The following GALNT13 variants were observed in gnomAD, a reference collection of about 807,000 sequenced individuals.
GALNT13 encodes the protein UDP-GalNAc:polypeptide N-acetylgalactosaminyltransferase 13.
A neutral mutation model predicts 64.2 loss-of-function variants in GALNT13; 28 were observed. That is an observed-to-expected ratio of 0.44 (90% CI 0.32 to 0.60). The LOEUF (loss-of-function observed/expected upper bound fraction) is 0.60. GALNT13 is among the 20% of genes least tolerant of loss of function. The pLI is 0.05. For missense variants in GALNT13, 577 were observed against 669.8 expected (o/e 0.86, Z 1.53); for synonymous variants, 214 against 224.6 (o/e 0.95, Z 0.42).
At chr2:153,275,286 G>C in the GALNT13 span, among the ~76,000 whole-genome samples, 1 of 152,056 alleles carries the variant, frequency 6.6e-6, no homozygotes, top group Non-Finnish European at 1.5e-5. Flanking sequence ...ATATGTTTTA[G>C]AGATTACTTT....
chr2:154,107,093 C>G (rs901663951), intron 3 of GALNT13, among the ~76,000 whole-genome samples: 7 of 151,984 alleles, frequency 4.6e-5, no homozygotes, highest in Non-Finnish European at 8.8e-5. Context: ...ATGTCTACTC[C>G]CCTTTGCCTT....
chr2:154,305,847 TTG>T (rs1446116256), intron 9 of GALNT13, among the ~76,000 whole-genome samples: 2 of 152,222 alleles, frequency 1.3e-5, no homozygotes, highest in African/African-American at 4.8e-5. Context: ...TTTTTATTAC[TTG>T]TCTCTATATC....
At chr2:154,147,051 A>C (rs1683647702) in intron 4 of GALNT13, among the ~76,000 whole-genome samples, 1 of 152,070 alleles carries the variant, frequency 6.6e-6, no homozygotes, top group African/African-American at 2.4e-5. Flanking sequence ...TATAGAACCT[A>C]AGAATGTAGA....
the GALNT13 span, among the ~76,000 whole-genome samples, chr2:153,280,055 G>A: frequency 6.6e-6 from 1 of 152,098 alleles, no homozygotes; most frequent in African/African-American, 2.4e-5. Context: ...CTTGAAGTTG[G>A]TGTATATAGG....
chr2:153,276,563 T>C, the GALNT13 span, among the ~76,000 whole-genome samples: 1 of 152,148 alleles, frequency 6.6e-6, no homozygotes, highest in Non-Finnish European at 1.5e-5. Flanking sequence ...AAAATGCCCA[T>C]GTATAAACAC....
chr2:154,196,095 A>T (rs1448533071), intron 4 of GALNT13, among the ~76,000 whole-genome samples: 1 of 152,196 alleles, frequency 6.6e-6, no homozygotes, highest in African/African-American at 2.4e-5. Flanking sequence ...TTTTCTTTCC[A>T]CTGAGACCTA....
At chr2:153,351,420 AG>A in the GALNT13 span, among the ~76,000 whole-genome samples, 9 of 152,186 alleles carry the variant, frequency 5.9e-5, no homozygotes, top group African/African-American at 2.2e-4. Context: ...AACGTTCCCA[AG>A]CAGAGTAATA....
chr2:153,524,919 G>T, the GALNT13 span, among the ~76,000 whole-genome samples: 2 of 152,162 alleles, frequency 1.3e-5, no homozygotes, highest in African/African-American at 4.8e-5. Flanking sequence ...AGCCAGAGTA[G>T]CTAGAGGAGT....
At chr2:154,126,017 C>A (rs1682238906) in intron 3 of GALNT13, among the ~76,000 whole-genome samples, 2 of 152,092 alleles carry the variant, frequency 1.3e-5, no homozygotes, top group African/African-American at 2.4e-5. Context: ...CAGGAGGGAG[C>A]ACATGAGGTC....
chr2:153,969,481 A>G (rs1013605364), intron 3 of GALNT13, among the ~76,000 whole-genome samples: 1 of 152,090 alleles, frequency 6.6e-6, no homozygotes, highest in Non-Finnish European at 1.5e-5. Context: ...AAAAGAACTT[A>G]TAAGTCCAAT....
the GALNT13 span, among the ~76,000 whole-genome samples, chr2:153,601,495 A>C: frequency 6.6e-6 from 1 of 151,666 alleles, no homozygotes; most frequent in African/African-American, 2.4e-5. Context: ...CCCTCTTACA[A>C]ATTTCACCAT....
the GALNT13 span, among the ~76,000 whole-genome samples, chr2:153,190,132 C>T: frequency 1.3e-5 from 2 of 152,042 alleles, no homozygotes; most frequent in Admixed American, 6.6e-5. Context: ...ATTTCTGTTG[C>T]TTGTGCTTTT....
the GALNT13 span, among the ~76,000 whole-genome samples, chr2:153,745,824 G>A: frequency 3.3e-5 from 5 of 152,044 alleles, no homozygotes; most frequent in African/African-American, 9.7e-5. Flanking sequence ...GGATAATCAA[G>A]CGATTGTCCC....
the GALNT13 span, among the ~76,000 whole-genome samples, chr2:153,224,716 G>A: frequency 6.6e-6 from 1 of 152,128 alleles, no homozygotes; most frequent in South Asian, 2.1e-4. Context: ...AGGATACTAT[G>A]AAAACTGTTT....
At chr2:153,271,011 A>T in the GALNT13 span, among the ~76,000 whole-genome samples, 5 of 152,224 alleles carry the variant, frequency 3.3e-5, no homozygotes, top group South Asian at 1.0e-3. Flanking sequence ...AACCAATGAA[A>T]AAAACCACAT....
the GALNT13 span, among the ~76,000 whole-genome samples, chr2:153,163,972 C>G: frequency 1.2e-4 from 18 of 149,420 alleles, no homozygotes; most frequent in African/African-American, 4.2e-4. Flanking sequence ...GAGCCGAGAT[C>G]GCGCCACTGC....
At chr2:154,147,656 T>C (rs2105606000) in intron 4 of GALNT13, among the ~76,000 whole-genome samples, 1 of 152,042 alleles carries the variant, frequency 6.6e-6, no homozygotes, top group East Asian at 1.9e-4. Flanking sequence ...GCTACTATTT[T>C]ATTTATACAC....
intron 7 of GALNT13, 102 bp from the exon 8 acceptor site, chr2:154,258,919 T>G: frequency 1.6e-6 from 1 of 628,632 alleles, no homozygotes; most frequent in Non-Finnish European, 2.8e-6. Flanking sequence ...TTTGAGATTT[T>G]TTAAATATTT....
chr2:154,269,906 G>GTATATATAAATATATATATATA (rs1691241363), intron 8 of GALNT13, among the ~76,000 whole-genome samples: 1 of 96,884 alleles, frequency 1.0e-5, no homozygotes, highest in African/African-American at 3.6e-5. Flanking sequence ...ATATATATGT[G>GTATATATAAATATATATATATA]TATATATATA....
Sources: allele counts gnomAD v4.1 joint callset (sites outside exome capture counted in the v4.1 genomes callset), GRCh38; gene constraint gnomAD v4.1.1; transcripts MANE v1.5; gene names NCBI Gene and HGNC (gene_info 2026-07-23, HGNC 2026-07-21).